The following RRP15 variants were observed in gnomAD, a reference collection of about 807,000 sequenced individuals.
The protein encoded by RRP15 is RRP15-like protein.
A neutral mutation model predicts 27.1 loss-of-function variants in RRP15; 18 were observed. That is an observed-to-expected ratio of 0.66 (90% CI 0.46 to 0.98). The LOEUF is 0.98. RRP15 is among the 50% of genes least tolerant of loss of function. The pLI, the probability that RRP15 is intolerant of heterozygous loss-of-function variation, is 0.00. For synonymous variants in RRP15, 107 were observed against 109.4 expected, an observed-to-expected ratio of 0.98 and a Z score of 0.14; for missense variants, 359 against 337.8, an observed-to-expected ratio of 1.06 and a Z score of -0.49.
rs563920993 is a variant in RRP15 at position 218,288,964 on chromosome 1, C to T, written c.139+3509C>T. On this transcript the variant is annotated intron_variant, in intron 1 of 4. Transcript: ENST00000366932. ...AGGCACCTGTGATGGTACTACCTTT[C>T]AGAGTGACTTTGTGCTAGTTATTAT... is the stretch of plus-strand genomic sequence containing the variant. 1.4e-4 allele frequency among the ~76,000 whole-genome samples: 22 copies of T among 152,288 alleles called. 1 individual carries two copies. The highest frequency in any genetic ancestry group is 5.3e-4 in the African/African-American group (22 of 41,554).
chr1:218,297,552 C>A (rs1205727153), intron 1 of RRP15, among the ~76,000 whole-genome samples: 5 of 152,142 alleles, frequency 3.3e-5, no homozygotes, highest in Non-Finnish European at 7.4e-5. Flanking sequence ...GTCAGAAAAG[C>A]CACTTAGATT....
At chr1:218,310,607 T>C (rs1361905649) in intron 4 of RRP15, among the ~76,000 whole-genome samples, 1 of 150,574 alleles carries the variant, frequency 6.6e-6, no homozygotes, top group Non-Finnish European at 1.5e-5. Context: ...AATGTACACA[T>C]GACTTGGGAA....
chr1:218,321,085 A>T (rs983659013), intron 4 of RRP15, among the ~76,000 whole-genome samples: 2 of 152,198 alleles, frequency 1.3e-5, no homozygotes, highest in African/African-American at 4.8e-5. Context: ...TGTAATTCCA[A>T]ACCTTCTTTT....
intron 4 of RRP15, among the ~76,000 whole-genome samples, chr1:218,325,801 T>C (rs558841643): frequency 3.3e-5 from 5 of 152,306 alleles, no homozygotes; most frequent in Admixed American, 1.3e-4. Flanking sequence ...TCTCTGTCTG[T>C]AGAACTCCTA....
At position 218,314,118 on chromosome 1, in the gene RRP15, G is replaced by A. The variant is rs138943597; in HGVS notation, c.705+6486G>A. ...GATCCACCCACCTAGGCCTCCCAAA[G>A]TGCTGGGATTACAGGCATGAGCCAC... On this transcript the variant is annotated intron_variant, in intron 4 of 4. Transcript: ENST00000366932. 4.9e-3 allele frequency among the ~76,000 whole-genome samples: 739 copies of A among 152,048 alleles called. 5 individuals are homozygous for A. The highest frequency in any genetic ancestry group is 0.016 in the African/African-American group (668 of 41,466).
chr1:218,335,725 T>A lies in RRP15; in HGVS notation c.*4634T>A, dbSNP rs993439056. On this transcript the variant is annotated 3_prime_UTR_variant, in exon 5 of 5. Coordinates refer to ENST00000366932, the MANE Select transcript of RRP15 (RefSeq NM_016052.4). ...ATGAAACAACAGTGAATTTGGGAAT[T>A]GTAAATCTGTCTTAAGCTTTTTCCA... 4 of 152,218 alleles carry A rather than the reference T, an allele frequency of 2.6e-5. No homozygotes were observed. The highest frequency in any genetic ancestry group is 9.6e-5 in the African/African-American group (4 of 41,460). The allele number at this position is 152,218 out of a possible 1,614,324, so 9.4% of individuals were successfully genotyped here.
chr1:218,293,833 C>T (rs942582230), intron 1 of RRP15, among the ~76,000 whole-genome samples: 2 of 152,118 alleles, frequency 1.3e-5, no homozygotes, highest in African/African-American at 4.8e-5. Flanking sequence ...ACAGCTATAT[C>T]TCAGTTTGAC....
Position 218,331,713 on chromosome 1 carries a change from C to T in RRP15, c.*622C>T, listed in dbSNP as rs541464097. 5.3e-5 allele frequency: 6 copies of T among 112,722 alleles called. No individual in the cohort carries two copies. The South Asian group carries it at 8.9e-4, about 17-fold the overall frequency. 7.0% of individuals were successfully genotyped at this position (112,722 alleles called of 1,614,324 possible). Reference sequence around the variant, plus strand: ...TTTGAGACGGAGTCTTGCTCTGTGGCCCCGGATGGAATGCAGTGGCGTGAT... The same window carrying T: ...TTTGAGACGGAGTCTTGCTCTGTGGTCCCGGATGGAATGCAGTGGCGTGAT... On this transcript the variant is annotated 3_prime_UTR_variant, in exon 5 of 5. Coordinates refer to ENST00000366932, the MANE Select transcript of RRP15 (RefSeq NM_016052.4).
rs756609686 is a variant in RRP15, at chr1:218,330,914, CT to C, written c.706-30del. The C allele has an allele frequency of 2.5e-6, 4 of 1,596,014 alleles. 1 individual carries two copies. In the Admixed American group the frequency reaches 6.8e-5, roughly 27 times the overall value. On this transcript the variant is annotated intron_variant, in intron 4 of 4. Coordinates refer to ENST00000366932, the MANE Select transcript of RRP15 (RefSeq NM_016052.4). ...TTTTGTTTCCTTATGATGGAATTGA[CT>C]TTTGAATATTTTGATTCTATAATTT...
At chr1:218,319,065 CT>C (rs546270156) in intron 4 of RRP15, among the ~76,000 whole-genome samples, 71 of 145,024 alleles carry the variant, frequency 4.9e-4, no homozygotes, top group Admixed American at 4.8e-4. Flanking sequence ...TTTCTTTTGT[CT>C]TTTTTTTTTT....
Position 218,302,507 on chromosome 1 carries a change from T to C in RRP15, c.353T>C (p.Leu118Pro). 1 of 1,613,242 alleles carries C rather than the reference T, an allele frequency of 6.2e-7. No homozygotes were observed. The highest frequency in any genetic ancestry group is 1.7e-5 in the Admixed American group (1 of 59,810). Residue 118 changes from leucine to proline, a missense_variant, in exon 2 of 5, where the codon CTG becomes CCG. Leu to Pro is a moderately conservative substitution (Grantham distance 98). Coordinates refer to ENST00000366932, the MANE Select transcript of RRP15 (RefSeq NM_016052.4). ...ACTATTCTGGTCAAAAATAAGAAGC[T>C]GGAAAAGGAAAAAGAAAAGTTAAAG... ...KPTILVKNKK[L>P]EKEKEKLKQE...
At chr1:218,316,954 T>C (rs1422350812) in intron 4 of RRP15, among the ~76,000 whole-genome samples, 1 of 152,244 alleles carries the variant, frequency 6.6e-6, no homozygotes, top group East Asian at 1.9e-4. Flanking sequence ...GCTCTAGTAA[T>C]GCATAATTCT....
At chr1:218,285,688 A>G (rs1002339309) in intron 1 of RRP15, among the ~76,000 whole-genome samples, 3 of 152,108 alleles carry the variant, frequency 2.0e-5, no homozygotes, top group African/African-American at 7.2e-5. Context: ...TTTCAGGGTC[A>G]CCATTATTAA....
intron 3 of RRP15, among the ~76,000 whole-genome samples, chr1:218,306,795 T>C (rs796986993): frequency 2.0e-5 from 3 of 152,326 alleles, no homozygotes; most frequent in African/African-American, 7.2e-5. Context: ...GCATTCAAAA[T>C]ATTCATCATG....
chr1:218,308,866 T>G (rs1655944348), intron 4 of RRP15, among the ~76,000 whole-genome samples: 1 of 152,232 alleles, frequency 6.6e-6, no homozygotes, highest in African/African-American at 2.4e-5. Context: ...TTCTCGCTAG[T>G]AACATTTTAC....
chr1:218,290,716 G>T (rs767025409), intron 1 of RRP15, among the ~76,000 whole-genome samples: 4 of 152,136 alleles, frequency 2.6e-5, no homozygotes, highest in Non-Finnish European at 4.4e-5. Context: ...TGATCTGCCT[G>T]CCTTGGCCTC....
intron 4 of RRP15, among the ~76,000 whole-genome samples, chr1:218,308,337 G>T (rs1287200580): frequency 1.3e-5 from 2 of 151,910 alleles, no homozygotes. Context: ...CTTCCAAAGT[G>T]CTGGGATTCC....
At chr1:218,328,429 A>G (rs538296862) in intron 4 of RRP15, among the ~76,000 whole-genome samples, 19 of 152,246 alleles carry the variant, frequency 1.2e-4, no homozygotes, top group Admixed American at 3.9e-4. Context: ...TTGGGAGGCC[A>G]AGGCGGGCAG....
At chr1:218,289,266 C>T (rs968984984) in intron 1 of RRP15, among the ~76,000 whole-genome samples, 7 of 152,080 alleles carry the variant, frequency 4.6e-5, no homozygotes, top group Non-Finnish European at 1.0e-4. Flanking sequence ...TTCTAGTAAC[C>T]CTGTAAGGTA....
Sources: gnomAD v4.1 joint callset for allele counts (sites outside exome capture counted in the v4.1 genomes callset) on GRCh38, gnomAD v4.1.1 for gene constraint, MANE v1.5 for transcripts, NCBI Gene and HGNC (gene_info 2026-07-23, HGNC 2026-07-21) for gene names.